The following AFF1 variants were observed in gnomAD, a reference collection of about 807,000 sequenced individuals.
AFF1 encodes the protein AF4/FMR2 family member 1.
AFF1 carries 48 observed loss-of-function variants against 121.7 expected under a neutral mutation model. The observed-to-expected ratio is 0.39, with a 90% CI of 0.31 to 0.50. The LOEUF (loss-of-function observed/expected upper bound fraction) is 0.50, where lower values mean the gene tolerates loss of function less well. AFF1 is among the 20% of genes least tolerant of loss of function. The pLI is 0.76. For synonymous variants in AFF1, 613 were observed against 563.0 expected (o/e 1.09, Z -1.26); for missense variants, 1,523 against 1,511.7 (o/e 1.01, Z -0.12).
At chr4:87,060,538 A>G (rs942687947) in intron 4 of AFF1, among the ~76,000 whole-genome samples, 1 of 152,118 alleles carries the variant, frequency 6.6e-6, no homozygotes, top group Non-Finnish European at 1.5e-5. Context: ...CTGGTATCCT[A>G]GTAACTTAAG....
At chr4:86,984,406 A>T (rs938979166) in intron 2 of AFF1, among the ~76,000 whole-genome samples, 4 of 149,856 alleles carry the variant, frequency 2.7e-5, no homozygotes, top group Admixed American at 1.3e-4. Context: ...CAGCTCACGC[A>T]ACTTCTGTCT....
chr4:86,977,994 T>C (rs1401200428), intron 2 of AFF1, among the ~76,000 whole-genome samples: 1 of 151,954 alleles, frequency 6.6e-6, no homozygotes, highest in African/African-American at 2.4e-5. Flanking sequence ...GACTTAATCG[T>C]GGGTGGAAGG....
chr4:86,981,002 GTGTTT>G (rs1387662275), intron 2 of AFF1, among the ~76,000 whole-genome samples: 1 of 99,628 alleles, frequency 1.0e-5, no homozygotes, highest in Non-Finnish European at 2.3e-5. Flanking sequence ...GAACTTAACA[GTGTTT>G]TGTTTGTTTG....
chr4:87,022,708 A>G (rs930740887), intron 2 of AFF1, among the ~76,000 whole-genome samples: 2 of 145,444 alleles, frequency 1.4e-5, no homozygotes, highest in African/African-American at 2.7e-5. Flanking sequence ...GTGTATATAT[A>G]TATCTGTGTG....
At chr4:87,032,706 G>T (rs1289922107) in intron 2 of AFF1, among the ~76,000 whole-genome samples, 1 of 152,178 alleles carries the variant, frequency 6.6e-6, no homozygotes, top group Non-Finnish European at 1.5e-5. Context: ...TGATTGGGGG[G>T]TTGGAGGATC....
chr4:87,121,375 A>T (rs188614915), intron 12 of AFF1, among the ~76,000 whole-genome samples: 1 of 152,160 alleles, frequency 6.6e-6, no homozygotes, highest in Non-Finnish European at 1.5e-5. Context: ...TGCTCACCCA[A>T]TATTGCATGG....
chr4:86,997,432 G>A (rs1378237774), intron 2 of AFF1, among the ~76,000 whole-genome samples: 4 of 152,168 alleles, frequency 2.6e-5, no homozygotes, highest in African/African-American at 9.7e-5. Flanking sequence ...TAGGCAGCAG[G>A]AAATGGATTA....
rs1725284878 is a variant in AFF1, at chr4:86,997,202, A to T, written c.38+48631A>T. On this transcript the variant is annotated intron_variant, in intron 2 of 20. Coordinates refer to ENST00000395146, the MANE Select transcript of AFF1 (RefSeq NM_001166693.3). ...GCTGGGATTACAGGCATGAGCCACC[A>T]CGCTTGGCCTGAACTGGTGGCTTTA... Among the ~76,000 whole-genome samples the T allele has an allele frequency of 4.0e-5, 6 of 151,846 alleles. No homozygotes were observed. The South Asian group carries it at 1.3e-3, about 32-fold the overall frequency.
chr4:86,999,744 T>G (rs1447491400), intron 2 of AFF1, among the ~76,000 whole-genome samples: 1 of 152,130 alleles, frequency 6.6e-6, no homozygotes, highest in Non-Finnish European at 1.5e-5. Flanking sequence ...TAAGATTGAG[T>G]TGCTTGAAGT....
chr4:87,065,739 C>G (rs185960006), intron 4 of AFF1, among the ~76,000 whole-genome samples: 23 of 152,264 alleles, frequency 1.5e-4, no homozygotes, highest in African/African-American at 3.9e-4. Context: ...GCCTTACCAG[C>G]GGATGGCTTC....
chr4:87,004,880 G>C (rs1187371720), intron 2 of AFF1, among the ~76,000 whole-genome samples: 1 of 152,170 alleles, frequency 6.6e-6, no homozygotes, highest in Non-Finnish European at 1.5e-5. Flanking sequence ...CTCTGTAAGT[G>C]TTAGTTTCTT....
chr4:87,128,032 T>C (rs1446752529), intron 16 of AFF1, among the ~76,000 whole-genome samples: 1 of 152,250 alleles, frequency 6.6e-6, no homozygotes, highest in Non-Finnish European at 1.5e-5. Flanking sequence ...TTAATCTACC[T>C]GCTGGTGATT....
chr4:86,986,942 A>G (rs1436493904), intron 2 of AFF1, among the ~76,000 whole-genome samples: 1 of 151,818 alleles, frequency 6.6e-6, no homozygotes, highest in Non-Finnish European at 1.5e-5. Context: ...GCTGGGTACA[A>G]GTGATCCTCT....
intron 2 of AFF1, among the ~76,000 whole-genome samples, chr4:86,988,346 G>A (rs1318195481): frequency 6.6e-6 from 1 of 151,818 alleles, no homozygotes; most frequent in Non-Finnish European, 1.5e-5. Flanking sequence ...AGCCTCTGGT[G>A]ACCATCATAT....
intron 8 of AFF1, among the ~76,000 whole-genome samples, chr4:87,095,221 C>T (rs1408500254): frequency 6.6e-6 from 1 of 152,152 alleles, no homozygotes; most frequent in Non-Finnish European, 1.5e-5. Context: ...CGGGCTCAAG[C>T]GATTCTCATG....
At position 87,135,656 on chromosome 4, in the gene AFF1, A is replaced by G; in HGVS notation, c.3612A>G (p.Thr1204=). ...GTTTGGTGGACCTGGTGCACTATAC[A>G]CGACAGGGTTTTCAGCAGCTACAAG... ...NSSLVDLVHY[T]RQGFQQLQEL... The change falls in exon 21 of 21, where the codon ACA becomes ACG. Residue 1204 remains threonine (T), a synonymous_variant. Transcript: ENST00000395146. The G allele has an allele frequency of 6.2e-7, 1 of 1,613,062 alleles. No individual in the cohort carries two copies. The highest frequency in any genetic ancestry group is 8.5e-7 in the Non-Finnish European group (1 of 1,179,502).
chr4:87,084,334 T>C (rs1328115353), intron 5 of AFF1, among the ~76,000 whole-genome samples, 170 bp downstream of exon 5: 1 of 151,972 alleles, frequency 6.6e-6, no homozygotes, highest in African/African-American at 2.4e-5. Flanking sequence ...AGCTCCGGAG[T>C]TCACGACCAG....
chr4:87,114,740 T>G lies in AFF1; in HGVS notation c.1907T>G (p.Leu636Arg). Residue 636 changes from leucine (L) to arginine (R), a missense_variant, in exon 12 of 21, where the codon CTT becomes CGT. Physicochemically the swap from Leu to Arg is moderately radical, Grantham distance 102. Coordinates refer to ENST00000395146, the MANE Select transcript of AFF1 (RefSeq NM_001166693.3). The part of the protein sequence containing the change: ...TSLQGEREPG[L>R]LPYGSRDQTS... ...CTGCAGGGGGAAAGGGAGCCAGGGC[T>G]TCTTCCCTATGGCTCCCGAGACCAG... is the stretch of plus-strand genomic sequence containing the variant. The G allele has an allele frequency of 3.7e-6, 6 of 1,613,698 alleles. No individual in the cohort carries two copies. The highest frequency in any genetic ancestry group is 5.1e-6 in the Non-Finnish European group (6 of 1,179,920).
chr4:86,971,490 T>C (rs927558201), intron 2 of AFF1, among the ~76,000 whole-genome samples: 11 of 152,210 alleles, frequency 7.2e-5, no homozygotes, highest in African/African-American at 2.2e-4. Flanking sequence ...CTAGCAGATA[T>C]GAATTAAGCA....
Sources: gnomAD v4.1 joint callset for allele counts (sites outside exome capture counted in the v4.1 genomes callset) on GRCh38, gnomAD v4.1.1 for gene constraint, MANE v1.5 for transcripts, NCBI Gene and HGNC (gene_info 2026-07-23, HGNC 2026-07-21) for gene names.